Variants in NCKAP5 observed in about 807,000 individuals in gnomAD.
NCKAP5 encodes nck-associated protein 5.
A neutral mutation model predicts 167.0 loss-of-function variants in NCKAP5; 92 were observed. The observed-to-expected ratio is 0.55, with a 90% confidence interval of 0.47 to 0.66. NCKAP5 has a LOEUF of 0.66. NCKAP5 is among the 30% of genes least tolerant of loss of function. The pLI is 0.00. For synonymous variants in NCKAP5, 891 were observed against 877.4 expected, an observed-to-expected ratio of 1.02 and a Z score of -0.27; for missense variants, 2,378 against 2,315.0, an observed-to-expected ratio of 1.03 and a Z score of -0.56.
intron 3 of NCKAP5, among the ~76,000 whole-genome samples, chr2:133,353,716 A>G (rs1684518822): frequency 6.6e-6 from 1 of 152,178 alleles, no homozygotes; most frequent in African/African-American, 2.4e-5. Flanking sequence ...GCAAAGAAAG[A>G]GAGAAGAGGA....
At chr2:133,279,173 T>C (rs573307219) in intron 4 of NCKAP5, among the ~76,000 whole-genome samples, 1 of 152,336 alleles carries the variant, frequency 6.6e-6, no homozygotes, top group Admixed American at 6.5e-5. Flanking sequence ...ACCCTGAAAG[T>C]GTACTTCCAA....
At chr2:132,778,838 T>A (rs1401865966) in intron 15 of NCKAP5, among the ~76,000 whole-genome samples, 4 of 152,166 alleles carry the variant, frequency 2.6e-5, no homozygotes, top group Non-Finnish European at 4.4e-5. Flanking sequence ...TGATAACATA[T>A]AATAAATGAG....
At chr2:133,249,314 G>A (rs1190754133) in intron 4 of NCKAP5, among the ~76,000 whole-genome samples, 1 of 152,132 alleles carries the variant, frequency 6.6e-6, no homozygotes, top group Non-Finnish European at 1.5e-5. Context: ...TGTGAGGATG[G>A]ATGTAGGGGT....
intron 5 of NCKAP5, among the ~76,000 whole-genome samples, chr2:133,182,502 A>G (rs2084781814): frequency 6.6e-6 from 1 of 152,200 alleles, no homozygotes; most frequent in South Asian, 2.1e-4. Context: ...AACACTTGAA[A>G]TTAAACAGCA....
intron 19 of NCKAP5, among the ~76,000 whole-genome samples, chr2:132,684,664 C>T (rs16839689): frequency 0.012 from 1,803 of 152,198 alleles, 62 homozygotes; most frequent in East Asian, 0.073. Flanking sequence ...TAATACCATT[C>T]GGAGTGGCTA....
At chr2:132,863,594 C>G (rs886586181) in intron 10 of NCKAP5, among the ~76,000 whole-genome samples, 1 of 152,096 alleles carries the variant, frequency 6.6e-6, no homozygotes, top group Non-Finnish European at 1.5e-5. Context: ...CACAATTTAT[C>G]GACCCTGAGA....
the NCKAP5 span, among the ~76,000 whole-genome samples, chr2:133,638,401 G>C: frequency 6.6e-6 from 1 of 152,162 alleles, no homozygotes; most frequent in Non-Finnish European, 1.5e-5. Context: ...ATATAAAAAT[G>C]TAAAGGTAGT....
chr2:132,794,506 TG>T (rs1684414330), intron 12 of NCKAP5, among the ~76,000 whole-genome samples: 1 of 151,428 alleles, frequency 6.6e-6, no homozygotes, highest in Admixed American at 6.6e-5. Context: ...CATGGTGGTG[TG>T]CACCTGTAAT....
chr2:132,799,740 AT>A (rs1189014669), intron 11 of NCKAP5, among the ~76,000 whole-genome samples: 4 of 152,314 alleles, frequency 2.6e-5, no homozygotes, highest in East Asian at 1.9e-4. Context: ...TTTTAAAAAA[AT>A]AATTTAAACA....
At chr2:133,522,979 A>G (rs929187211) in intron 2 of NCKAP5, among the ~76,000 whole-genome samples, 2 of 152,192 alleles carry the variant, frequency 1.3e-5, no homozygotes, top group African/African-American at 4.8e-5. Context: ...CAGGAAATTA[A>G]GCATCCTTTT....
intron 3 of NCKAP5, among the ~76,000 whole-genome samples, chr2:133,470,383 TG>T (rs1692966408): frequency 1.8e-4 from 28 of 152,326 alleles, no homozygotes; most frequent in Admixed American, 1.5e-3. Context: ...GATCTCCAGC[TG>T]CGTGCTGGGA....
At chr2:133,464,479 G>A (rs1447456833) in intron 3 of NCKAP5, among the ~76,000 whole-genome samples, 1 of 152,122 alleles carries the variant, frequency 6.6e-6, no homozygotes, top group Admixed American at 6.5e-5. Flanking sequence ...CATGAGGTCA[G>A]GAGATTGAGA....
At chr2:133,416,117 G>C (rs779619626) in intron 3 of NCKAP5, among the ~76,000 whole-genome samples, 1 of 152,206 alleles carries the variant, frequency 6.6e-6, no homozygotes, top group Admixed American at 6.5e-5. Flanking sequence ...CCTCTTCATA[G>C]TTTGGCAGCT....
chr2:132,817,675 G>T (rs1159003761), intron 11 of NCKAP5, among the ~76,000 whole-genome samples: 1 of 152,136 alleles, frequency 6.6e-6, no homozygotes, highest in East Asian at 1.9e-4. Flanking sequence ...TGGATAAGCA[G>T]GGGTTCATGT....
At chr2:132,820,725 A>G (rs567718666) in intron 11 of NCKAP5, among the ~76,000 whole-genome samples, 5 of 152,306 alleles carry the variant, frequency 3.3e-5, no homozygotes, top group African/African-American at 1.2e-4. Context: ...TAAATTCAAG[A>G]ATAAGCAAGA....
At chr2:133,613,218 G>C in the NCKAP5 span, among the ~76,000 whole-genome samples, 2 of 152,148 alleles carry the variant, frequency 1.3e-5, no homozygotes, top group Non-Finnish European at 2.9e-5. Flanking sequence ...GCCATTGATA[G>C]AATTATTTTC....
intron 6 of NCKAP5, among the ~76,000 whole-genome samples, chr2:133,061,201 A>C (rs2079989031): frequency 6.6e-6 from 1 of 152,244 alleles, no homozygotes; most frequent in Admixed American, 6.5e-5. Context: ...AAGAATTTAG[A>C]GTATTACATA....
intron 4 of NCKAP5, among the ~76,000 whole-genome samples, chr2:133,237,453 T>C (rs1357403405): frequency 6.6e-6 from 1 of 152,184 alleles, no homozygotes; most frequent in African/African-American, 2.4e-5. Flanking sequence ...AAGAAAAAAC[T>C]TCAAGACTTT....
chr2:132,866,097 A>G (rs554565282), intron 10 of NCKAP5, among the ~76,000 whole-genome samples: 17 of 152,350 alleles, frequency 1.1e-4, no homozygotes, highest in Non-Finnish European at 5.9e-5. Context: ...GCTTTATTCC[A>G]TGTCGGTGAA....
Sources: allele counts gnomAD v4.1 joint callset (sites outside exome capture counted in the v4.1 genomes callset), GRCh38; gene constraint gnomAD v4.1.1; transcripts MANE v1.5; gene names NCBI Gene and HGNC (gene_info 2026-07-23, HGNC 2026-07-21).